The following ZNF521 variants were observed in gnomAD, a reference collection of about 807,000 sequenced individuals.
ZNF521 encodes zinc finger protein 521.
ZNF521 carries 14 observed loss-of-function variants against 105.5 expected under a neutral mutation model. The ratio of observed to expected loss-of-function variants is 0.13; its 90% CI spans 0.09 to 0.21. ZNF521 has a LOEUF of 0.21. Ranked by LOEUF, ZNF521 falls within the 10% of genes least tolerant of loss-of-function variation. The pLI, the probability that ZNF521 is intolerant of heterozygous loss-of-function variation, is 1.00. For synonymous variants in ZNF521, 635 were observed against 606.0 expected, an observed-to-expected ratio of 1.05 and a Z score of -0.70; for missense variants, 1,233 against 1,629.7, an observed-to-expected ratio of 0.76 and a Z score of 4.19.
intron 7 of ZNF521, among the ~76,000 whole-genome samples, chr18:25,071,057 T>C (rs1046330580): frequency 5.3e-5 from 8 of 152,162 alleles, no homozygotes; most frequent in African/African-American, 1.7e-4. Context: ...TATAATTGTT[T>C]TGAATTTACT....
chr18:25,139,022 C>CA (rs1192971498), intron 5 of ZNF521, among the ~76,000 whole-genome samples: 1 of 152,150 alleles, frequency 6.6e-6, no homozygotes, highest in Non-Finnish European at 1.5e-5. Context: ...CAAGAAGAAT[C>CA]TATATGCCTG....
chr18:25,217,378 T>C (rs1291084026), intron 4 of ZNF521, among the ~76,000 whole-genome samples: 1 of 152,172 alleles, frequency 6.6e-6, no homozygotes, highest in Non-Finnish European at 1.5e-5. Context: ...ACAGCATTCA[T>C]TGATGGATTA....
Position 25,091,953 on chromosome 18 carries a change from T to C in ZNF521, c.3787A>G (p.Thr1263Ala). Residue 1263 changes from threonine to alanine, a missense_variant, in exon 6 of 8, where the codon ACA becomes GCA. By Grantham distance (58) the Thr-to-Ala change is moderately conservative. Transcript: ENST00000361524. ...GGTFKCPVCF[T>A]VFVQANKLQQ... ...CTTCCTGAAATAATCTTCCCACCTG[T>C]AAAGCAGACTGGACACTTGAAGGTG... The C allele has an allele frequency of 6.2e-7, 1 of 1,613,632 alleles. No individual in the cohort carries two copies. Among genetic ancestry groups the C allele is most frequent in the Non-Finnish European group, 8.5e-7 (1 of 1,179,710 alleles).
rs1448636215 is a variant in ZNF521 at position 25,062,256 on chromosome 18, C to A, written c.*456G>T. 2 of 223,806 alleles carry A rather than the reference C, an allele frequency of 8.9e-6. No homozygotes were observed. Among genetic ancestry groups the A allele is most frequent in the African/African-American group, 4.5e-5 (2 of 44,274 alleles). The allele number at this position is 223,806 out of a possible 1,614,324, so 13.9% of individuals were successfully genotyped here. On this transcript the variant is annotated 3_prime_UTR_variant, in exon 8 of 8. Coordinates refer to ENST00000361524, the MANE Select transcript of ZNF521 (RefSeq NM_015461.3). ...ACATCTCTTCATGGTTTGCAAGAAT[C>A]TTCAGCAATAAAAAATAGTCTTGGA... is the stretch of plus-strand genomic sequence containing the variant.
rs538076308 is a variant in ZNF521, at chr18:25,318,537, G to T, written c.220+3471C>A. ...CAGTTTGCCTATCATGGTGGTATCA[G>T]CAAGCAATTTTGAAACTACTTACTG... is the stretch of plus-strand genomic sequence containing the variant. On this transcript the variant is annotated intron_variant, in intron 3 of 7. Coordinates refer to ENST00000361524, the MANE Select transcript of ZNF521 (RefSeq NM_015461.3). 5.3e-5 allele frequency among the ~76,000 whole-genome samples: 8 copies of T among 152,248 alleles called. No homozygotes were observed. The East Asian group carries it at 1.5e-3, about 29-fold the overall frequency.
In ZNF521 at chr18:25,226,773, C is replaced by G. The variant is rs1462710779; in HGVS notation, c.1145G>C (p.Gly382Ala). 1.2e-6 allele frequency: 2 copies of G among 1,614,114 alleles called. No homozygotes were observed. Among genetic ancestry groups the G allele is most frequent in the Non-Finnish European group, 1.7e-6 (2 of 1,180,016 alleles). The change falls in exon 4 of 8, where the codon GGG (glycine) becomes GCG (alanine). Residue 382 changes from glycine to alanine, a missense_variant. Physicochemically the swap from Gly to Ala is moderately conservative, Grantham distance 60. This residue lies in a region of ZNF521 where 380 missense variants were observed against 478.0 expected (regional missense o/e 0.80). Transcript: ENST00000361524. This position sits in a 1 kb window ranked among gnomAD's most constrained non-coding sequence, Gnocchi z 4.1. The part of the protein sequence containing the change: ...EAAPPIPKSR[G>A]RKRAAQQTPD... Reference sequence around the variant, plus strand: ...GGTTTGTTGAGCGGCCCTCTTCCTCCCTCGACTCTTTGGGATTGGCGGGGC... The same window carrying G: ...GGTTTGTTGAGCGGCCCTCTTCCTCGCTCGACTCTTTGGGATTGGCGGGGC...
At chr18:25,239,340 T>C (rs1043379036) in intron 3 of ZNF521, among the ~76,000 whole-genome samples, 1 of 152,226 alleles carries the variant, frequency 6.6e-6, no homozygotes, top group Non-Finnish European at 1.5e-5. Flanking sequence ...AGCCTGGTAT[T>C]ACATGCTTAG....
intron 7 of ZNF521, among the ~76,000 whole-genome samples, chr18:25,074,118 C>T (rs961127740): frequency 1.3e-5 from 2 of 152,156 alleles, no homozygotes; most frequent in Admixed American, 1.3e-4. Flanking sequence ...GTGCGCATGT[C>T]CATTTCCACG....
intron 4 of ZNF521, chr18:25,202,226 A>G (rs541733577): frequency 1.3e-5 from 2 of 152,344 alleles, no homozygotes; most frequent in African/African-American, 4.8e-5. Flanking sequence ...TTGGCCCTCC[A>G]TATTTGTGGA....
intron 4 of ZNF521, among the ~76,000 whole-genome samples, chr18:25,215,130 T>A (rs1201970972): frequency 6.6e-6 from 1 of 152,104 alleles, no homozygotes; most frequent in Non-Finnish European, 1.5e-5. Flanking sequence ...CTTATTTGTA[T>A]GGGATAATAA....
intron 2 of ZNF521, among the ~76,000 whole-genome samples, chr18:25,340,099 G>A: frequency 6.6e-6 from 1 of 152,174 alleles, no homozygotes; most frequent in East Asian, 1.9e-4. Context: ...GCTCACGCCT[G>A]TGATCCCAGC....
rs769802375 is a variant in ZNF521, at chr18:25,226,517, C to T, written c.1401G>A (p.Leu467=). 6.2e-7 allele frequency: 1 copy of T among 1,613,992 alleles called. No homozygotes were observed. The highest frequency in any genetic ancestry group is 1.7e-5 in the Admixed American group (1 of 60,000). ...KQVHEAQDPG[L]IVSAMPAIVY... ...CAATGGCAGGCATGGCAGAAACAAT[C>T]AGACCTGGGTCCTGAGCTTCATGCA... Residue 467 remains leucine (L), a synonymous_variant, in exon 4 of 8, where the codon CTG becomes CTA. Transcript: ENST00000361524. This position sits in a 1 kb window ranked among gnomAD's most constrained non-coding sequence, Gnocchi z 4.1.
intron 3 of ZNF521, among the ~76,000 whole-genome samples, chr18:25,276,608 T>C (rs1277076387): frequency 1.3e-5 from 2 of 152,202 alleles, no homozygotes; most frequent in Non-Finnish European, 1.5e-5. Context: ...TGGAGCATAA[T>C]GCATTAATGC....
At chr18:25,101,186 T>C (rs531214428) in intron 5 of ZNF521, among the ~76,000 whole-genome samples, 2 of 152,306 alleles carry the variant, frequency 1.3e-5, no homozygotes, top group South Asian at 2.1e-4. Flanking sequence ...CAGTTGGCCC[T>C]AGAACAACAT....
chr18:25,348,102 A>G (rs1914540999), intron 2 of ZNF521, among the ~76,000 whole-genome samples: 1 of 152,210 alleles, frequency 6.6e-6, no homozygotes, highest in Non-Finnish European at 1.5e-5. Flanking sequence ...TTATTCATAA[A>G]TGAAGAAACA....
At chr18:25,272,419 C>T (rs1205135497) in intron 3 of ZNF521, among the ~76,000 whole-genome samples, 2 of 152,066 alleles carry the variant, frequency 1.3e-5, no homozygotes, top group African/African-American at 2.4e-5. Context: ...AAGGTATATA[C>T]CCAAAGGATT....
intron 4 of ZNF521, among the ~76,000 whole-genome samples, chr18:25,198,561 A>G (rs1000334607): frequency 1.3e-5 from 2 of 151,840 alleles, no homozygotes; most frequent in African/African-American, 2.4e-5. Flanking sequence ...TCTTTTACCA[A>G]AATACTGAAT....
At chr18:25,265,419 A>G (rs1317955536) in intron 3 of ZNF521, among the ~76,000 whole-genome samples, 1 of 152,218 alleles carries the variant, frequency 6.6e-6, no homozygotes, top group Non-Finnish European at 1.5e-5. Context: ...GAACTTAATT[A>G]CTGTTACCCA....
intron 5 of ZNF521, among the ~76,000 whole-genome samples, chr18:25,094,255 T>C (rs371515824): frequency 1.3e-5 from 2 of 152,130 alleles, no homozygotes; most frequent in African/African-American, 4.8e-5. Flanking sequence ...TTCTTGACTA[T>C]GAGTATTTTG....
Sources: gnomAD v4.1 joint callset for allele counts (sites outside exome capture counted in the v4.1 genomes callset) on GRCh38, gnomAD v4.1.1 for gene constraint, gnomAD v4.1.1 regional missense constraint, Gnocchi (gnomAD v3.1) non-coding constraint, MANE v1.5 for transcripts, NCBI Gene and HGNC (gene_info 2026-07-23, HGNC 2026-07-21) for gene names.